Variants in CALD1 observed in about 807,000 individuals in gnomAD.
The protein encoded by CALD1 is caldesmon 1.
A neutral mutation model predicts 99.9 loss-of-function variants in CALD1; 33 were observed. The observed-to-expected ratio is 0.33, with a 90% confidence interval of 0.25 to 0.44. The LOEUF is 0.44. CALD1 is among the 20% of genes least tolerant of loss of function. The pLI, the probability that CALD1 is intolerant of heterozygous loss-of-function variation, is 1.00. For synonymous variants in CALD1, 310 were observed against 325.0 expected, an observed-to-expected ratio of 0.95 and a Z score of 0.50; for missense variants, 861 against 962.1, an observed-to-expected ratio of 0.89 and a Z score of 1.39.
intron 3 of CALD1, among the ~76,000 whole-genome samples, chr7:134,926,499 G>A (rs1218629564): frequency 6.6e-6 from 1 of 152,146 alleles, no homozygotes; most frequent in Non-Finnish European, 1.5e-5. Flanking sequence ...TAGTAAATAT[G>A]AAGTCAGATT....
intron 1 of CALD1, among the ~76,000 whole-genome samples, chr7:134,769,029 T>C (rs1206474828): frequency 6.6e-6 from 1 of 151,670 alleles, no homozygotes. Flanking sequence ...TTATGTATAA[T>C]ACCCCATCCT....
At chr7:134,882,089 T>C (rs1451000105) in intron 3 of CALD1, among the ~76,000 whole-genome samples, 1 of 152,220 alleles carries the variant, frequency 6.6e-6, no homozygotes, top group East Asian at 1.9e-4. Context: ...TACATCTTAC[T>C]CACTTTTATT....
At chr7:134,761,026 C>A (rs1177843792) in intron 1 of CALD1, among the ~76,000 whole-genome samples, 1 of 152,106 alleles carries the variant, frequency 6.6e-6, no homozygotes, top group Non-Finnish European at 1.5e-5. Flanking sequence ...TGGGGATAGT[C>A]AGGCTTAACA....
At chr7:134,887,424 A>G (rs539066477) in intron 3 of CALD1, among the ~76,000 whole-genome samples, 2 of 152,290 alleles carry the variant, frequency 1.3e-5, no homozygotes, top group East Asian at 3.9e-4. Flanking sequence ...GCCTAGTTCT[A>G]AGAGTACAGA....
rs186048357 is a variant in CALD1, at chr7:134,847,318, G to A, written c.-42+3347G>A. Among the ~76,000 whole-genome samples the A allele has an allele frequency of 3.3e-5, 5 of 152,228 alleles. No homozygotes were observed. The East Asian group carries it at 9.7e-4, about 29-fold the overall frequency. ...TCCTTAGTCTCCTTTGGTTCAGGTGGGCCCAAGCTTTTTATAGTAGGATCT... is the reference window on the plus strand; with the variant it reads ...TCCTTAGTCTCCTTTGGTTCAGGTGAGCCCAAGCTTTTTATAGTAGGATCT... On this transcript the variant is annotated intron_variant, in intron 2 of 14. Coordinates refer to ENST00000361675, the MANE Select transcript of CALD1 (RefSeq NM_033138.4).
intron 4 of CALD1, among the ~76,000 whole-genome samples, chr7:134,930,563 G>A (rs1195022604): frequency 4.6e-5 from 7 of 152,050 alleles, no homozygotes; most frequent in South Asian, 2.1e-4. Context: ...AATGTTGGCC[G>A]GTAGCACAAT....
intron 3 of CALD1, 56 bp downstream of exon 3, chr7:134,867,860 G>A (rs760865998): frequency 2.6e-6 from 3 of 1,141,714 alleles, no homozygotes; most frequent in Admixed American, 4.1e-5. Flanking sequence ...CTTGGTTTCA[G>A]GCCTCAAAGA....
At chr7:134,847,697 C>T (rs943469213) in intron 2 of CALD1, among the ~76,000 whole-genome samples, 2 of 152,182 alleles carry the variant, frequency 1.3e-5, no homozygotes, top group Non-Finnish European at 2.9e-5. Flanking sequence ...GGAATTGCAC[C>T]TGGTCTTAAG....
Position 134,885,994 on chromosome 7 carries a change from T to C in CALD1, c.71+18190T>C, listed in dbSNP as rs1182459579. Among the ~76,000 whole-genome samples, 3 of 152,164 alleles carry C rather than the reference T, an allele frequency of 2.0e-5. 1 individual carries two copies. The Middle Eastern group carries it at 9.5e-3, about 482-fold the overall frequency. ...TTCAAGTTGGAGGGCAGAAAGGAGT[T>C]AGAGGCATGATCCTTTTCAGATAGA... On this transcript the variant is annotated intron_variant, in intron 3 of 14. Coordinates refer to ENST00000361675, the MANE Select transcript of CALD1 (RefSeq NM_033138.4).
chr7:134,786,965 G>A (rs765559877), intron 1 of CALD1, among the ~76,000 whole-genome samples: 1 of 152,126 alleles, frequency 6.6e-6, no homozygotes, highest in African/African-American at 2.4e-5. Flanking sequence ...GGTCTAGAAG[G>A]GGGTCCAGGC....
At chr7:134,904,811 AC>A (rs1803253100) in intron 3 of CALD1, among the ~76,000 whole-genome samples, 2 of 152,240 alleles carry the variant, frequency 1.3e-5, no homozygotes, top group Admixed American at 1.3e-4. Context: ...CCAAAGAAGA[AC>A]AGAAAAGGGG....
rs758930096 is a variant in CALD1, at chr7:134,960,553, A to G, written c.2220A>G (p.Val740=). The change falls in exon 13 of 15, where the codon GTA becomes GTG. Residue 740 remains valine (V), a synonymous_variant. Coordinates refer to ENST00000361675, the MANE Select transcript of CALD1 (RefSeq NM_033138.4). ...TGTAGGAAACTGCTGGCTTGAAGGT[A>G]GGGGTTTCTAGCCGCATCAATGAAT... The part of the protein sequence containing the change: ...TPNKETAGLK[V]GVSSRINEWL... The G allele has an allele frequency of 6.2e-7, 1 of 1,612,358 alleles. No homozygotes were observed. Among genetic ancestry groups the G allele is most frequent in the Middle Eastern group, 1.7e-4 (1 of 6,060 alleles).
chr7:134,801,344 A>G (rs527891081), intron 1 of CALD1, among the ~76,000 whole-genome samples: 1 of 152,134 alleles, frequency 6.6e-6, no homozygotes, highest in East Asian at 1.9e-4. Flanking sequence ...TAAAACAGCC[A>G]ATTGTTACAA....
chr7:134,948,992 G>A (rs918131405), intron 8 of CALD1, among the ~76,000 whole-genome samples: 1 of 151,976 alleles, frequency 6.6e-6, no homozygotes, highest in African/African-American at 2.4e-5. Flanking sequence ...TCACTAACAA[G>A]CTGGGGCCTT....
intron 9 of CALD1, among the ~76,000 whole-genome samples, chr7:134,957,276 T>C (rs1807847393): frequency 6.6e-6 from 1 of 152,230 alleles, no homozygotes; most frequent in Non-Finnish European, 1.5e-5. Context: ...TTCCTAGTTA[T>C]TCAATCCTGT....
At chr7:134,801,325 A>AT (rs1210895106) in intron 1 of CALD1, among the ~76,000 whole-genome samples, 2 of 151,278 alleles carry the variant, frequency 1.3e-5, no homozygotes, top group African/African-American at 2.4e-5. Flanking sequence ...TGACAAATTC[A>AT]TTTTTTTTTA....
chr7:134,809,143 AG>A (rs1798260555), intron 1 of CALD1, among the ~76,000 whole-genome samples: 1 of 152,220 alleles, frequency 6.6e-6, no homozygotes, highest in Admixed American at 6.5e-5. Context: ...TACCAGTAAA[AG>A]TTCATGAGAG....
At chr7:134,916,647 C>T (rs894331369) in intron 3 of CALD1, among the ~76,000 whole-genome samples, 1 of 152,208 alleles carries the variant, frequency 6.6e-6, no homozygotes, top group African/African-American at 2.4e-5. Context: ...TCTGCAATAC[C>T]ACTTTCCCTT....
chr7:134,756,847 G>A (rs1217834974), intron 1 of CALD1, among the ~76,000 whole-genome samples: 1 of 152,124 alleles, frequency 6.6e-6, no homozygotes, highest in Non-Finnish European at 1.5e-5. Flanking sequence ...CCATGGGCCC[G>A]TAGGAACCTT....
Sources: gnomAD v4.1 joint callset for allele counts (sites outside exome capture counted in the v4.1 genomes callset) on GRCh38, gnomAD v4.1.1 for gene constraint, MANE v1.5 for transcripts, NCBI Gene and HGNC (gene_info 2026-07-23, HGNC 2026-07-21) for gene names.